The following SNRNP200 variants were observed in gnomAD, a reference collection of about 807,000 sequenced individuals.
The protein encoded by SNRNP200 is small nuclear ribonucleoprotein U5 subunit 200, also known as U5 small nuclear ribonucleoprotein 200 kDa helicase.
Under a neutral mutation model 255.2 loss-of-function variants are expected in SNRNP200, and 66 were observed. That is an observed-to-expected ratio of 0.26 (90% CI 0.21 to 0.32). The LOEUF (loss-of-function observed/expected upper bound fraction) is 0.32, where lower values mean the gene tolerates loss of function less well. Ranked by LOEUF, SNRNP200 falls within the 10% of genes least tolerant of loss-of-function variation. The pLI is 1.00. For synonymous variants in SNRNP200, 939 were observed against 1,027.8 expected, an observed-to-expected ratio of 0.91 and a Z score of 1.65; for missense variants, 1,585 against 2,749.8, an observed-to-expected ratio of 0.58 and a Z score of 9.47.
In SNRNP200 at chr2:96,285,344, G is replaced by A. The variant is rs765154536; in HGVS notation, c.4004-4C>T. 1.2e-6 allele frequency: 2 copies of A among 1,614,080 alleles called. No homozygotes were observed. Among genetic ancestry groups the A allele is most frequent in the Non-Finnish European group, 1.7e-6 (2 of 1,180,020 alleles). On this transcript the variant is annotated splice_polypyrimidine_tract_variant and splice_region_variant and intron_variant, in intron 29 of 44. Transcript: ENST00000323853. ...CTGTTGTATACAGTGTTAAACACTG[G>A]AAACCAACAGAAAGAAGCAGTGTAA...
chr2:96,284,429 G>A lies in SNRNP200; in HGVS notation c.4321C>T (p.Gln1441Ter). 6.2e-7 allele frequency: 1 copy of A among 1,614,188 alleles called. No individual in the cohort carries two copies. Reference sequence around the variant, plus strand: ...TTGATGTTCTGCACGTTCTTGCGCTGCTTCCATCGCCGGGAAAGTATGTCC... The same window carrying A: ...TTGATGTTCTGCACGTTCTTGCGCTACTTCCATCGCCGGGAAAGTATGTCC... ...KWDILSRRWK[Q>*]RKNVQNINLF... The change falls in exon 31 of 45, where the codon CAG becomes TAG. Residue 1441 changes from glutamine (Q) to a stop codon, truncating the protein, a stop_gained. Coordinates refer to ENST00000323853, the MANE Select transcript of SNRNP200 (RefSeq NM_014014.5). LOFTEE classifies it high-confidence loss of function.
At position 96,285,205 on chromosome 2, in the gene SNRNP200, G is replaced by A; in HGVS notation, c.4139C>T (p.Thr1380Ile). The A allele has an allele frequency of 6.2e-7, 1 of 1,614,142 alleles. No homozygotes were observed. The change falls in exon 30 of 45, where the codon ACC becomes ATC. Residue 1380 changes from threonine (T) to isoleucine (I), a missense_variant. Thr to Ile is a moderately conservative substitution (Grantham distance 89, BLOSUM62 -1). Transcript: ENST00000323853. ...CTGCTCTGCCAGGGCCTCCATGGGG[G>A]TGATGTACACACAGCGCCCCTCCGA... ...QSSEGRCVYI[T>I]PMEALAEQVY...
Position 96,291,722 on chromosome 2 carries a change from A to G in SNRNP200, c.2310+29T>C, listed in dbSNP as rs1442506969. ...AGATGGACACAGCTGCCAGGTAGGA[A>G]TGAGAGAACCCAGCTGGCCCCTCCT... On this transcript the variant is annotated intron_variant, in intron 17 of 44. Transcript: ENST00000323853. This position sits in a 1 kb window ranked among gnomAD's most constrained non-coding sequence, Gnocchi z 4.2. The G allele has an allele frequency of 6.2e-7, 1 of 1,613,364 alleles. No individual in the cohort carries two copies.
Position 96,290,861 on chromosome 2 carries a change from A to T in SNRNP200, c.2422-46T>A. ...AATGAGGAGAACAGATGCCATCACC[A>T]GGGGTTAATATCCCTGGCTTCTCTA... On this transcript the variant is annotated intron_variant, in intron 18 of 44. Transcript: ENST00000323853. This position sits in a 1 kb window ranked among gnomAD's most constrained non-coding sequence, Gnocchi z 4.5. 6.2e-7 allele frequency: 1 copy of T among 1,613,098 alleles called. No homozygotes were observed. The highest frequency in any genetic ancestry group is 8.5e-7 in the Non-Finnish European group (1 of 1,179,458).
In SNRNP200 at chr2:96,283,844, A is replaced by T; in HGVS notation, c.4553T>A (p.Val1518Glu). ...GTGCAGCTCCAAGGGGACGGGACGC[A>T]CATTGGGATGGAAGTTGAAGGTGGA... Reference protein sequence around the residue: ...ATSTFNFHPNVRPVPLELHIQ... With the variant: ...ATSTFNFHPNERPVPLELHIQ... The change falls in exon 32 of 45, where the codon GTG (valine) becomes GAG (glutamate). Residue 1518 changes from valine to glutamate, a missense_variant. Val to Glu is a moderately radical substitution (Grantham distance 121). This residue lies in a region of SNRNP200 where 719 missense variants were observed against 1,091.1 expected (regional missense o/e 0.66). Coordinates refer to ENST00000323853, the MANE Select transcript of SNRNP200 (RefSeq NM_014014.5). This position sits in a 1 kb window ranked among gnomAD's most constrained non-coding sequence, Gnocchi z 4.7. 6.2e-7 allele frequency: 1 copy of T among 1,604,326 alleles called. No homozygotes were observed. Among genetic ancestry groups the T allele is most frequent in the Non-Finnish European group, 8.5e-7 (1 of 1,175,240 alleles).
At chr2:96,298,205 CA>C in intron 9 of SNRNP200, 78 bp downstream of exon 9, 1 of 1,597,768 alleles carries the variant, frequency 6.3e-7, no homozygotes, top group South Asian at 1.1e-5. Flanking sequence ...CCACTTTTAA[CA>C]TGAATTTAGC....
rs183671024 is a variant in SNRNP200, at chr2:96,278,171, G to A, written c.5610+66C>T. 6 of 1,612,236 alleles carry A rather than the reference G, an allele frequency of 3.7e-6. No individual in the cohort carries two copies. The highest frequency in any genetic ancestry group is 3.3e-5 in the South Asian group (3 of 90,730). ...GGCGTGTTGGTGGCAGGGATGCCAT[G>A]TGCTCTGGGCACACAGGCCGAGTTT... is the stretch of plus-strand genomic sequence containing the variant. On this transcript the variant is annotated intron_variant, in intron 39 of 44. Transcript: ENST00000323853. The surrounding 1 kb of genome is among the most constrained non-coding windows in gnomAD (Gnocchi z 6.9).
At position 96,286,924 on chromosome 2, in the gene SNRNP200, G is replaced by T; in HGVS notation, c.3640-47C>A. The stretch of plus-strand genomic sequence containing the variant: ...AAAGGAATGTGAGTCAACGTAGACT[G>T]AGTGCCTCCAATCCATCTCCTCGGC... On this transcript the variant is annotated intron_variant, in intron 27 of 44. Transcript: ENST00000323853. This position sits in a 1 kb window ranked among gnomAD's most constrained non-coding sequence, Gnocchi z 4.8. 1 of 1,613,786 alleles carries T rather than the reference G, an allele frequency of 6.2e-7. No individual in the cohort carries two copies. Among genetic ancestry groups the T allele is most frequent in the South Asian group, 1.1e-5 (1 of 91,052 alleles).
At position 96,297,373 on chromosome 2, in the gene SNRNP200, C is replaced by T. The variant is rs774147976; in HGVS notation, c.1367G>A (p.Gly456Asp). 6.2e-7 allele frequency: 1 copy of T among 1,613,688 alleles called. No individual in the cohort carries two copies. The highest frequency in any genetic ancestry group is 8.5e-7 in the Non-Finnish European group (1 of 1,180,028). Residue 456 changes from glycine to aspartate, a missense_variant, in exon 11 of 45, where the codon GGC (glycine) becomes GAC (aspartate). Gly to Asp is a moderately conservative substitution (Grantham distance 94). Coordinates refer to ENST00000323853, the MANE Select transcript of SNRNP200 (RefSeq NM_014014.5). ...AAGCAATTCACTTACTTCTTCTGAGCCAAAGGGCTTGGGCTTCAGAGCAGG... is the reference window on the plus strand; with the variant it reads ...AAGCAATTCACTTACTTCTTCTGAGTCAAAGGGCTTGGGCTTCAGAGCAGG... Reference protein sequence around the residue: ...HVPALKPKPFGSEEQLLPVEK... With the variant: ...HVPALKPKPFDSEEQLLPVEK...
Position 96,298,915 on chromosome 2 carries a change from C to T in SNRNP200, c.782G>A (p.Arg261Gln), listed in dbSNP as rs373189421. The change falls in exon 7 of 45, where the codon CGG becomes CAG. Residue 261 changes from arginine to glutamine, a missense_variant. By Grantham distance (43) the Arg-to-Gln change is conservative. Transcript: ENST00000323853. ...MSSKKKDLHP[R>Q]DIDAFWLQRQ... ...CTGCAGCCAAAATGCATCAATATCC[C>T]GAGGGTGCAAATCCTTCTTCTTGGA... is the stretch of plus-strand genomic sequence containing the variant. The T allele has an allele frequency of 2.0e-5, 32 of 1,614,038 alleles. No homozygotes were observed. The highest frequency in any genetic ancestry group is 2.5e-5 in the Non-Finnish European group (30 of 1,180,044).
At position 96,303,292 on chromosome 2, in the gene SNRNP200, T is replaced by C; in HGVS notation, c.248A>G (p.Lys83Arg). 6.2e-7 allele frequency: 1 copy of C among 1,614,208 alleles called. No individual in the cohort carries two copies. The highest frequency in any genetic ancestry group is 8.5e-7 in the Non-Finnish European group (1 of 1,180,036). Residue 83 changes from lysine (K) to arginine (R), a missense_variant, in exon 3 of 45, where the codon AAG becomes AGG. Physicochemically the swap from Lys to Arg is conservative, Grantham distance 26 (BLOSUM62 2). Around this residue, in one of 9 missense-constraint regions of SNRNP200, gnomAD observed 383 missense variants for 645.3 expected, o/e 0.59. Transcript: ENST00000323853. ...CGACAGCAGAGTATAACCCTTCATC[T>C]TGTTGATGTCATGCCGGTCCTCATC... ...KRDEDRHDINKMKGYTLLSEG... is the reference protein window; with the variant it reads ...KRDEDRHDINRMKGYTLLSEG...
intron 35 of SNRNP200, chr2:96,281,505 T>G: frequency 2.6e-6 from 1 of 377,672 alleles, no homozygotes; most frequent in Non-Finnish European, 5.1e-6. Context: ...TATAGGTGTA[T>G]GACCTCGACC....
Position 96,291,683 on chromosome 2 carries a change from C to T in SNRNP200, c.2310+68G>A. ...ATACCACAGTACAGTCCTAGAGGAG[C>T]TGTCTGGGGCCTGAGATGGACACAG... On this transcript the variant is annotated intron_variant, in intron 17 of 44. Transcript: ENST00000323853. This position sits in a 1 kb window ranked among gnomAD's most constrained non-coding sequence, Gnocchi z 4.2. 2 of 1,564,746 alleles carry T rather than the reference C, an allele frequency of 1.3e-6. No individual in the cohort carries two copies. Among genetic ancestry groups the T allele is most frequent in the Non-Finnish European group, 8.8e-7 (1 of 1,137,256 alleles).
At position 96,285,920 on chromosome 2, in the gene SNRNP200, T is replaced by C. The variant is rs552274691; in HGVS notation, c.4003+391A>G. The stretch of plus-strand genomic sequence containing the variant: ...GGAGGAATAAGAGAGAAAACACCGG[T>C]GATGTACTCAGCCATGGACTGAGGA... On this transcript the variant is annotated intron_variant, in intron 29 of 44. Coordinates refer to ENST00000323853, the MANE Select transcript of SNRNP200 (RefSeq NM_014014.5). Among the ~76,000 whole-genome samples, 4 of 152,186 alleles carry C rather than the reference T, an allele frequency of 2.6e-5. No homozygotes were observed. In the East Asian group the frequency reaches 7.7e-4, roughly 29 times the overall value.
chr2:96,279,315 C>T (rs892453433), intron 36 of SNRNP200, 136 bp downstream of exon 36: 14 of 741,284 alleles, frequency 1.9e-5, no homozygotes, highest in Non-Finnish European at 2.8e-5. Flanking sequence ...GTGGCAGGCT[C>T]GTCACAAAAG....
chr2:96,275,497 A>T, intron 43 of SNRNP200, 148 bp from the exon 44 acceptor site: 1 of 746,764 alleles, frequency 1.3e-6, no homozygotes, highest in Non-Finnish European at 2.3e-6. Flanking sequence ...TAACATTTTA[A>T]TACTATCAAA....
At chr2:96,295,206 T>TCAAA (rs369069457) in intron 14 of SNRNP200, among the ~76,000 whole-genome samples, 31 of 152,114 alleles carry the variant, frequency 2.0e-4, no homozygotes, top group East Asian at 1.9e-3. Flanking sequence ...AGACTCCATC[T>TCAAA]CAAACAAACA....
intron 36 of SNRNP200, 171 bp downstream of exon 36, chr2:96,279,280 C>G (rs1684720734): frequency 1.5e-6 from 1 of 683,492 alleles, no homozygotes; most frequent in Admixed American, 2.3e-5. Context: ...GCAGCAAAAG[C>G]AAAAGGCAGC....
chr2:96,299,525 A>G, intron 5 of SNRNP200, 98 bp from the exon 6 acceptor site: 1 of 1,019,108 alleles, frequency 9.8e-7, no homozygotes, highest in Non-Finnish European at 1.5e-6. Context: ...CAATGGGTAG[A>G]GAAATGGCTT....
Sources: allele counts gnomAD v4.1 joint callset (sites outside exome capture counted in the v4.1 genomes callset), GRCh38; gene constraint gnomAD v4.1.1; regional missense constraint gnomAD v4.1.1; non-coding constraint Gnocchi (gnomAD v3.1); transcripts MANE v1.5; gene names NCBI Gene and HGNC (gene_info 2026-07-23, HGNC 2026-07-21).